NPAS3: variants seen among roughly 807,000 people sequenced by gnomAD.
The protein encoded by NPAS3 is neuronal PAS domain-containing protein 3.
Under a neutral mutation model 73.1 loss-of-function variants are expected in NPAS3, and 14 were observed. The ratio of observed to expected loss-of-function variants is 0.19; its 90% CI spans 0.13 to 0.30. The LOEUF is 0.30. Among genes scored for constraint, NPAS3 ranks in the 10% least tolerant of loss-of-function variants. The probability of loss-of-function intolerance (pLI) is 1.00; values close to 1 mark genes in which losing one functional copy is unlikely to be tolerated. For missense variants in NPAS3, 1,096 were observed against 1,250.0 expected (o/e 0.88, Z 1.86); for synonymous variants, 620 against 541.5 (o/e 1.14, Z -2.01).
intron 2 of NPAS3, among the ~76,000 whole-genome samples, chr14:33,083,830 C>T (rs2138742988): frequency 6.6e-6 from 1 of 152,270 alleles, no homozygotes. Flanking sequence ...ATGTTAATGA[C>T]TATCTATATT....
chr14:33,466,582 A>G (rs1281344055), intron 4 of NPAS3, among the ~76,000 whole-genome samples: 1 of 152,164 alleles, frequency 6.6e-6, no homozygotes, highest in South Asian at 2.1e-4. Flanking sequence ...AGTAATTTAT[A>G]AAGAGAATAG....
intron 4 of NPAS3, among the ~76,000 whole-genome samples, chr14:33,454,864 C>T (rs1264389510): frequency 6.6e-6 from 1 of 152,126 alleles, no homozygotes; most frequent in Non-Finnish European, 1.5e-5. Context: ...CTGGACCCAG[C>T]GTATAGCCAG....
At position 33,715,599 on chromosome 14, in the gene NPAS3, A is replaced by G. The variant is rs981628947; in HGVS notation, c.734-19615A>G. Among the ~76,000 whole-genome samples the G allele has an allele frequency of 3.3e-5, 5 of 152,282 alleles. No individual in the cohort carries two copies. The South Asian group carries it at 1.0e-3, about 32-fold the overall frequency. ...CTATACGTCTGTGTTGGAATGGGCT[A>G]ATGGTGCCAGTCACAGTGTATGCTT... is the stretch of plus-strand genomic sequence containing the variant. On this transcript the variant is annotated intron_variant, in intron 6 of 11. Transcript: ENST00000356141.
intron 7 of NPAS3, among the ~76,000 whole-genome samples, chr14:33,753,939 CAGA>C (rs2062037853): frequency 6.6e-6 from 1 of 152,132 alleles, no homozygotes; most frequent in Non-Finnish European, 1.5e-5. Flanking sequence ...ACCCTCAGCA[CAGA>C]AGAAGCTCCC....
intron 1 of NPAS3, among the ~76,000 whole-genome samples, chr14:32,986,367 T>G (rs956103090): frequency 1.3e-5 from 2 of 152,200 alleles, no homozygotes; most frequent in Non-Finnish European, 2.9e-5. Context: ...GATAGTCTAC[T>G]GGGTGCCTTC....
chr14:33,637,780 A>C (rs1023769437), intron 5 of NPAS3, among the ~76,000 whole-genome samples: 1 of 152,174 alleles, frequency 6.6e-6, no homozygotes, highest in Non-Finnish European at 1.5e-5. Context: ...CATTATTACC[A>C]TGTATTTTTT....
At position 33,019,910 on chromosome 14, in the gene NPAS3, G is replaced by A. The variant is rs371518305; in HGVS notation, c.51-35995G>A. ...TTCATGAAATTAACTTTTTGATTTT[G>A]CCATATAGAAACTTCTTTTGCTTTG... On this transcript the variant is annotated intron_variant, in intron 1 of 11. Coordinates refer to ENST00000356141, the Ensembl canonical transcript of NPAS3. Among the ~76,000 whole-genome samples, 3 of 152,104 alleles carry A rather than the reference G, an allele frequency of 2.0e-5. No individual in the cohort carries two copies. In the East Asian group the frequency reaches 5.8e-4, roughly 29 times the overall value.
intron 5 of NPAS3, among the ~76,000 whole-genome samples, chr14:33,631,725 G>A (rs2058382735): frequency 6.6e-6 from 1 of 152,100 alleles, no homozygotes; most frequent in Non-Finnish European, 1.5e-5. Flanking sequence ...CCCTGGCATG[G>A]TGCCCATTAG....
chr14:32,937,308 T>C (rs1165947913), upstream of NPAS3, among the ~76,000 whole-genome samples: 2 of 152,154 alleles, frequency 1.3e-5, no homozygotes, highest in Non-Finnish European at 2.9e-5. Flanking sequence ...TACCAAAAAA[T>C]TATTTTTAAG....
intron 2 of NPAS3, among the ~76,000 whole-genome samples, chr14:33,153,916 G>T (rs971776105): frequency 3.9e-5 from 6 of 152,224 alleles, no homozygotes; most frequent in African/African-American, 1.2e-4. Flanking sequence ...TTTCATGGCT[G>T]ATATCTCTTC....
intron 4 of NPAS3, among the ~76,000 whole-genome samples, chr14:33,501,630 G>GT (rs537009195): frequency 0.12 from 17,087 of 138,412 alleles, 1,024 homozygotes; most frequent in African/African-American, 0.14. Flanking sequence ...ATCTGGATTT[G>GT]TTTTTTTTTT....
At chr14:33,338,792 A>T (rs4981188) in intron 3 of NPAS3, among the ~76,000 whole-genome samples, 16,587 of 152,190 alleles carry the variant, frequency 0.11, 988 homozygotes, top group Non-Finnish European at 0.14. Flanking sequence ...TTTATTAGGG[A>T]ATTGAAAAAG....
intron 3 of NPAS3, among the ~76,000 whole-genome samples, chr14:33,242,027 C>T (rs1198873543): frequency 6.6e-6 from 1 of 151,912 alleles, no homozygotes; most frequent in East Asian, 1.9e-4. Context: ...ATTCTGATAA[C>T]AGGCCACTTA....
chr14:33,612,577 T>C (rs1200118457), intron 5 of NPAS3: 1 of 447,910 alleles, frequency 2.2e-6, no homozygotes, highest in Non-Finnish European at 4.5e-6. Context: ...CTCTGTATAC[T>C]TGCTTTTAAA....
chr14:33,532,444 G>A (rs1374607094), intron 4 of NPAS3, among the ~76,000 whole-genome samples: 1 of 152,056 alleles, frequency 6.6e-6, no homozygotes, highest in South Asian at 2.1e-4. Flanking sequence ...CAGACACTAT[G>A]CTGAGTGATT....
At chr14:33,219,789 A>C (rs529893052) in intron 3 of NPAS3, among the ~76,000 whole-genome samples, 8 of 152,332 alleles carry the variant, frequency 5.3e-5, no homozygotes, top group African/African-American at 1.9e-4. Flanking sequence ...GTGACACTAA[A>C]CTACTGTTAT....
At chr14:33,326,326 CAG>C (rs1215190467) in intron 3 of NPAS3, among the ~76,000 whole-genome samples, 2 of 152,122 alleles carry the variant, frequency 1.3e-5, no homozygotes, top group Non-Finnish European at 2.9e-5. Context: ...GTGAAGGAAA[CAG>C]AGAATGCAGA....
intron 3 of NPAS3, among the ~76,000 whole-genome samples, chr14:33,246,893 A>C (rs2048410502): frequency 6.8e-6 from 1 of 147,748 alleles, no homozygotes; most frequent in Non-Finnish European, 1.5e-5. Flanking sequence ...GGGTGCCTGT[A>C]ATCCCAGCTA....
chr14:33,727,349 C>T (rs2061295769), intron 6 of NPAS3, among the ~76,000 whole-genome samples: 1 of 152,050 alleles, frequency 6.6e-6, no homozygotes, highest in Non-Finnish European at 1.5e-5. Context: ...GACAGCTGCT[C>T]ATGCTGTGAT....
Sources: gnomAD v4.1 joint callset for allele counts (sites outside exome capture counted in the v4.1 genomes callset) on GRCh38, gnomAD v4.1.1 for gene constraint, MANE v1.5 for transcripts, NCBI Gene and HGNC (gene_info 2026-07-23, HGNC 2026-07-21) for gene names.